Variants in CALN1 observed in about 807,000 individuals in gnomAD.
CALN1 encodes the protein calcium-binding protein 8.
In CALN1, 17 loss-of-function variants were observed where a neutral mutation model predicts 30.6. The observed-to-expected ratio is 0.56, with a 90% CI of 0.38 to 0.83. CALN1 has a LOEUF of 0.83. Among genes scored for constraint, CALN1 ranks in the 40% least tolerant of loss-of-function variants. The pLI is 0.00. For missense variants in CALN1, 291 were observed against 354.9 expected (o/e 0.82, Z 1.45); for synonymous variants, 156 against 131.4 (o/e 1.19, Z -1.28).
intron 3 of CALN1, among the ~76,000 whole-genome samples, chr7:72,239,233 C>CA (rs1348723342): frequency 2.0e-5 from 3 of 151,946 alleles, no homozygotes; most frequent in Non-Finnish European, 4.4e-5. Flanking sequence ...CCCACCTTTC[C>CA]AAAAAAATAA....
At chr7:71,980,063 A>T (rs1798312425) in intron 5 of CALN1, among the ~76,000 whole-genome samples, 1 of 150,802 alleles carries the variant, frequency 6.6e-6, no homozygotes. Context: ...TTTTTAGAAG[A>T]GACAGGTTTT....
At chr7:71,967,639 A>AG (rs1554399063) in intron 5 of CALN1, among the ~76,000 whole-genome samples, 2,618 of 142,658 alleles carry the variant, frequency 0.018, 81 homozygotes, top group African/African-American at 0.064. Flanking sequence ...AAAAAAAAAA[A>AG]AAAGAAAGAA....
intron 5 of CALN1, among the ~76,000 whole-genome samples, chr7:71,962,871 G>C (rs1797318379): frequency 6.6e-6 from 1 of 152,088 alleles, no homozygotes; most frequent in Non-Finnish European, 1.5e-5. Context: ...AAGTAACAAG[G>C]AAAAATGAAA....
chr7:72,313,713 A>C, intron 2 of CALN1, among the ~76,000 whole-genome samples: 1 of 45,756 alleles, frequency 2.2e-5, no homozygotes, highest in Non-Finnish European at 6.6e-5. Flanking sequence ...AAAAAATTTA[A>C]TGATGGGACT....
chr7:72,288,318 G>C (rs780487210), intron 2 of CALN1, among the ~76,000 whole-genome samples: 35 of 152,118 alleles, frequency 2.3e-4, no homozygotes, highest in Non-Finnish European at 3.8e-4. Context: ...TCTCTCCATA[G>C]GGCTTCTGAA....
At chr7:72,176,548 C>A (rs1344687506) in intron 3 of CALN1, among the ~76,000 whole-genome samples, 2 of 152,130 alleles carry the variant, frequency 1.3e-5, no homozygotes, top group African/African-American at 4.8e-5. Context: ...CCCACTCTCG[C>A]CATGTAACAT....
intron 4 of CALN1, among the ~76,000 whole-genome samples, chr7:72,051,293 C>A (rs556539164): frequency 1.1e-4 from 16 of 151,906 alleles, no homozygotes; most frequent in Admixed American, 8.5e-4. Flanking sequence ...TATGCAGCCA[C>A]AAATACAGAA....
intron 5 of CALN1, among the ~76,000 whole-genome samples, chr7:71,980,103 C>T (rs575567976): frequency 6.6e-6 from 1 of 150,396 alleles, no homozygotes; most frequent in Non-Finnish European, 1.5e-5. Context: ...GTCTCAAACT[C>T]TTGACCTCAG....
chr7:72,094,364 C>T (rs895387151), intron 4 of CALN1, among the ~76,000 whole-genome samples: 1 of 152,122 alleles, frequency 6.6e-6, no homozygotes, highest in East Asian at 1.9e-4. Context: ...AAGTGATTCT[C>T]CTGCCGCCAC....
At chr7:72,373,973 G>A (rs1331543075) in intron 2 of CALN1, among the ~76,000 whole-genome samples, 1 of 152,196 alleles carries the variant, frequency 6.6e-6, no homozygotes, top group Admixed American at 6.5e-5. Flanking sequence ...TTTTGAAAGT[G>A]CTGAAAGGAA....
intron 2 of CALN1, among the ~76,000 whole-genome samples, chr7:72,392,969 A>AC (rs1179000306): frequency 6.6e-6 from 1 of 152,002 alleles, no homozygotes; most frequent in Non-Finnish European, 1.5e-5. Context: ...ACTACACTCC[A>AC]CCTGGGCAAC....
At chr7:72,449,874 CAAAAAAAAAAAAAA>C (rs71069071), upstream of CALN1, among the ~76,000 whole-genome samples, 9,930 of 52,870 alleles carry the variant, frequency 0.19, 666 homozygotes, top group African/African-American at 0.25. Context: ...GACTCCGTCT[CAAAAAAAAAAAAAA>C]AAAAAAAAAA....
chr7:71,825,743 G>A (rs1013356097), intron 5 of CALN1, among the ~76,000 whole-genome samples: 7 of 152,124 alleles, frequency 4.6e-5, no homozygotes, highest in Admixed American at 4.6e-4. Context: ...GTTCAAAGCA[G>A]AAAGCAGGGC....
At chr7:71,849,436 A>ATTTTTT (rs3063933) in intron 5 of CALN1, among the ~76,000 whole-genome samples, 1 of 140,256 alleles carries the variant, frequency 7.1e-6, no homozygotes, top group African/African-American at 2.6e-5. Flanking sequence ...GGATCTTCCT[A>ATTTTTT]TTTTTTTTTT....
At chr7:71,929,865 T>A (rs1477299663) in intron 5 of CALN1, among the ~76,000 whole-genome samples, 1 of 152,178 alleles carries the variant, frequency 6.6e-6, no homozygotes, top group East Asian at 1.9e-4. Context: ...TGGATGAGGG[T>A]TCCAATTTTT....
At chr7:71,969,325 A>C (rs1797679951) in intron 5 of CALN1, among the ~76,000 whole-genome samples, 1 of 152,078 alleles carries the variant, frequency 6.6e-6, no homozygotes, top group Admixed American at 6.5e-5. Flanking sequence ...CCTTCTCCTC[A>C]GCATCATCTT....
intron 5 of CALN1, among the ~76,000 whole-genome samples, chr7:71,871,848 A>C (rs959624055): frequency 2.0e-5 from 3 of 151,870 alleles, no homozygotes; most frequent in Non-Finnish European, 4.4e-5. Context: ...TGTTCTCCAC[A>C]TGGCCTGTTG....
intron 4 of CALN1, among the ~76,000 whole-genome samples, chr7:72,031,905 C>T (rs1164197619): frequency 6.6e-6 from 1 of 151,746 alleles, no homozygotes; most frequent in Non-Finnish European, 1.5e-5. Flanking sequence ...CCATGCCCAG[C>T]TCATTTTTTG....
intron 5 of CALN1, among the ~76,000 whole-genome samples, chr7:71,835,833 T>C (rs551827965): frequency 2.6e-5 from 4 of 152,152 alleles, no homozygotes; most frequent in Non-Finnish European, 5.9e-5. Flanking sequence ...CCAAGGACCT[T>C]TCCTTGTGAA....
Sources: gnomAD v4.1 joint callset for allele counts (sites outside exome capture counted in the v4.1 genomes callset) on GRCh38, gnomAD v4.1.1 for gene constraint, MANE v1.5 for transcripts, NCBI Gene and HGNC (gene_info 2026-07-23, HGNC 2026-07-21) for gene names.